Variants in KCNH2 observed in about 807,000 individuals in gnomAD.
The protein encoded by KCNH2 is potassium voltage-gated channel subfamily H member 2.
Under a neutral mutation model 95.9 loss-of-function variants are expected in KCNH2, and 35 were observed. The observed-to-expected ratio is 0.37, with a 90% CI of 0.28 to 0.48. The LOEUF is 0.48. Ranked by LOEUF, KCNH2 falls within the 20% of genes least tolerant of loss-of-function variation. The pLI, the probability that KCNH2 is intolerant of heterozygous loss-of-function variation, is 0.99. For synonymous variants in KCNH2, 786 were observed against 754.7 expected (o/e 1.04, Z -0.68); for missense variants, 1,274 against 1,702.9 (o/e 0.75, Z 4.43).
intron 9 of KCNH2, chr7:150,949,430 T>C: frequency 2.0e-6 from 2 of 993,766 alleles, no homozygotes; most frequent in African/African-American, 1.7e-5. Context: ...TTTTTTTTTT[T>C]TTTACTGAAA....
At position 150,945,498 on chromosome 7, in the gene KCNH2, G is replaced by A. The variant is rs199473032; in HGVS notation, c.3347C>T (p.Ala1116Val). ...GGCCCCCGGGGGCAGCTCCTCACAC[G>A]CCATGAACTGGGAAACCTGCAATAC... is the stretch of plus-strand genomic sequence containing the variant. ...DSLSQVSQFM[A>V]CEELPPGAPE... is the part of the protein sequence containing the mutation. Residue 1116 changes from alanine to valine, a missense_variant, in exon 15 of 15, where the codon GCG becomes GTG. Physicochemically the swap from Ala to Val is moderately conservative, Grantham distance 64. Coordinates refer to ENST00000262186, the MANE Select transcript of KCNH2 (RefSeq NM_000238.4). The surrounding 1 kb of genome is among the most constrained non-coding windows in gnomAD (Gnocchi z 5.6). 1.9e-5 allele frequency: 30 copies of A among 1,558,350 alleles called. No individual in the cohort carries two copies. Among genetic ancestry groups the A allele is most frequent in the African/African-American group, 4.1e-5 (3 of 73,088 alleles).
intron 2 of KCNH2, among the ~76,000 whole-genome samples, chr7:150,965,953 C>G (rs904586725): frequency 3.9e-5 from 6 of 152,246 alleles, no homozygotes; most frequent in Non-Finnish European, 7.3e-5. Context: ...CAGCCCAAGT[C>G]TGGACAGCAG....
intron 5 of KCNH2, chr7:150,955,816 T>A: frequency 8.9e-7 from 1 of 1,121,868 alleles, no homozygotes; most frequent in Non-Finnish European, 1.1e-6. Context: ...GAACCTCAGC[T>A]CCTCCAGCCG....
In KCNH2 at chr7:150,948,451, C is replaced by T. The variant is rs376008424; in HGVS notation, c.2685G>A (p.Thr895=). 4 of 1,601,448 alleles carry T rather than the reference C, an allele frequency of 2.5e-6. No individual in the cohort carries two copies. Among genetic ancestry groups the T allele is most frequent in the Non-Finnish European group, 1.7e-6 (2 of 1,175,798 alleles). Residue 895 remains threonine (T), a synonymous_variant, in exon 11 of 15, where the codon ACG becomes ACA. Coordinates refer to ENST00000262186, the MANE Select transcript of KCNH2 (RefSeq NM_000238.4). ...TCCCCTCCCCCGCCTCACCCTTGTCCGTGCGCCTGCGGAAGGACAACTTGC... is the reference window on the plus strand; with the variant it reads ...TCCCCTCCCCCGCCTCACCCTTGTCTGTGCGCCTGCGGAAGGACAACTTGC... The part of the protein sequence containing the change: ...RKRKLSFRRR[T]DKDTEQPGEV...
In KCNH2 at chr7:150,974,951, C is replaced by T. The variant is rs774772373; in HGVS notation, c.77-10G>A. The stretch of plus-strand genomic sequence containing the variant: ...ATGATGAACTTACGGCCTAGGGGGG[C>T]GGGGAGGAGAGTGCGCGTGAGCGGG... On this transcript the variant is annotated splice_polypyrimidine_tract_variant and intron_variant, in intron 1 of 14. Coordinates refer to ENST00000262186, the MANE Select transcript of KCNH2 (RefSeq NM_000238.4). The T allele has an allele frequency of 6.3e-7, 1 of 1,581,172 alleles. No individual in the cohort carries two copies. The highest frequency in any genetic ancestry group is 8.6e-7 in the Non-Finnish European group (1 of 1,164,692).
Position 150,948,464 on chromosome 7 carries a change from A to C in KCNH2, c.2672T>G (p.Phe891Cys), listed in dbSNP as rs1244787081. 5.8e-6 allele frequency: 8 copies of C among 1,367,974 alleles called. No homozygotes were observed. Among genetic ancestry groups the C allele is most frequent in the Non-Finnish European group, 7.8e-6 (8 of 1,027,326 alleles). The allele number at this position is 1,367,974 out of a possible 1,614,324, so 84.7% of individuals were successfully genotyped here. Reference sequence around the variant, plus strand: ...CTCACCCTTGTCCGTGCGCCTGCGGAAGGACAACTTGCGCTTGCGTTGCCG... The same window carrying C: ...CTCACCCTTGTCCGTGCGCCTGCGGCAGGACAACTTGCGCTTGCGTTGCCG... ...FSRQRKRKLSFRRRTDKDTEQ... is the reference protein window; with the variant it reads ...FSRQRKRKLSCRRRTDKDTEQ... The change falls in exon 11 of 15, where the codon TTC (phenylalanine) becomes TGC (cysteine). Residue 891 changes from phenylalanine (F) to cysteine (C), a missense_variant. Around this residue, in one of 7 missense-constraint regions of KCNH2, gnomAD observed 457 missense variants for 416.1 expected, o/e 1.10. Transcript: ENST00000262186.
At chr7:150,958,563 C>T in intron 3 of KCNH2, 61 bp from the exon 4 acceptor site, 2 of 1,382,108 alleles carry the variant, frequency 1.4e-6, no homozygotes, top group East Asian at 3.1e-5. Context: ...GCGGGCAAGG[C>T]CTGGGAAATG....
chr7:150,949,529 CT>C, intron 9 of KCNH2: 1 of 864,660 alleles, frequency 1.2e-6, no homozygotes, highest in Non-Finnish European at 1.4e-6. Context: ...TGTAGTGAAA[CT>C]TTGATTTTAG....
At chr7:150,959,536 G>T in intron 3 of KCNH2, 36 bp downstream of exon 3, 1 of 1,610,854 alleles carries the variant, frequency 6.2e-7, no homozygotes, top group Non-Finnish European at 8.5e-7. Flanking sequence ...ATGAGACCAC[G>T]AACCCCTGAG....
At chr7:150,957,642 G>A (rs1489883176) in intron 4 of KCNH2, 140 bp from the exon 5 acceptor site, 27 of 717,630 alleles carry the variant, frequency 3.8e-5, no homozygotes, top group Middle Eastern at 3.6e-4. Flanking sequence ...GGAGTCACAA[G>A]AAACAAGAGA....
chr7:150,958,603 G>A lies in KCNH2; in HGVS notation c.473-101C>T, dbSNP rs572212740. The stretch of plus-strand genomic sequence containing the variant: ...CCCAGCCGCTGGGTAAGGGAAGGAG[G>A]GGAACGGGCAACCCCCCATCCCCAC... On this transcript the variant is annotated intron_variant, in intron 3 of 14. Coordinates refer to ENST00000262186, the MANE Select transcript of KCNH2 (RefSeq NM_000238.4). The A allele has an allele frequency of 9.5e-6, 9 of 947,928 alleles. No homozygotes were observed. In the African/African-American group the frequency reaches 1.1e-4, roughly 11 times the overall value. 58.7% of individuals were successfully genotyped at this position (947,928 alleles called of 1,614,324 possible).
At chr7:150,951,363 T>G (rs531426828) in intron 7 of KCNH2, 85 bp downstream of exon 7, 1 of 1,558,654 alleles carries the variant, frequency 6.4e-7, no homozygotes, top group Non-Finnish European at 8.8e-7. Flanking sequence ...GGCCTCACTC[T>G]GGCCCGGCTA....
intron 2 of KCNH2, among the ~76,000 whole-genome samples, chr7:150,971,553 C>T (rs1801840081): frequency 6.6e-6 from 1 of 152,008 alleles, no homozygotes; most frequent in African/African-American, 2.4e-5. Context: ...GTATGAGCAG[C>T]CAGACAGAGC....
At chr7:150,953,702 C>T (rs1801270247) in intron 5 of KCNH2, among the ~76,000 whole-genome samples, 1 of 152,168 alleles carries the variant, frequency 6.6e-6, no homozygotes, top group Non-Finnish European at 1.5e-5. Flanking sequence ...AGAAGAGCTC[C>T]GGCCAGCTTC....
In KCNH2 at chr7:150,974,834, G is replaced by T. The variant is rs1218798860; in HGVS notation, c.184C>A (p.Arg62=). The T allele has an allele frequency of 1.2e-6, 2 of 1,608,384 alleles. No homozygotes were observed. The highest frequency in any genetic ancestry group is 8.5e-7 in the Non-Finnish European group (1 of 1,177,822). ...TGCAGGAAGTCGCAGGTGCAGGGTC[G>T]CTGCATCACCTCGGCCCGCGAGTAG... ...CGYSRAEVMQ[R]PCTCDFLHGP... is the part of the protein sequence containing the mutation. The change falls in exon 2 of 15, where the codon CGA becomes AGA. Residue 62 remains arginine, a synonymous_variant. Transcript: ENST00000262186.
chr7:150,952,619 C>T lies in KCNH2; in HGVS notation c.1363G>A (p.Val455Met). The stretch of plus-strand genomic sequence containing the variant: ...AACATGATGTCCACGATGAGGTCCA[C>T]CACAGCCAGCGGCTGGCAGGCGTAG... ...CGYACQPLAV[V>M]DLIVDIMFIV... Residue 455 changes from valine (V) to methionine (M), a missense_variant, in exon 6 of 15, where the codon GTG becomes ATG. By Grantham distance (21) the Val-to-Met change is conservative. Around this residue, in one of 7 missense-constraint regions of KCNH2, gnomAD observed 147 missense variants for 344.4 expected, o/e 0.43. Coordinates refer to ENST00000262186, the MANE Select transcript of KCNH2 (RefSeq NM_000238.4). This position sits in a 1 kb window ranked among gnomAD's most constrained non-coding sequence, Gnocchi z 7.3. 6.2e-7 allele frequency: 1 copy of T among 1,614,190 alleles called. No homozygotes were observed. The highest frequency in any genetic ancestry group is 8.5e-7 in the Non-Finnish European group (1 of 1,180,036).
chr7:150,947,106 C>T (rs996549480), intron 13 of KCNH2, 52 bp from the exon 14 acceptor site: 2 of 1,425,576 alleles, frequency 1.4e-6, no homozygotes, highest in African/African-American at 2.9e-5. Flanking sequence ...CAGTGACAGC[C>T]TCCACCGGGA....
In KCNH2 at chr7:150,958,221, G is replaced by A. The variant is rs199472874; in HGVS notation, c.754C>T (p.Arg252Trp). Residue 252 changes from arginine to tryptophan, a missense_variant, in exon 4 of 15, where the codon CGG (arginine) becomes TGG (tryptophan). Coordinates refer to ENST00000262186, the MANE Select transcript of KCNH2 (RefSeq NM_000238.4). The stretch of plus-strand genomic sequence containing the variant: ...GCGTCGGGGTTGAGGCTGTGCGCCC[G>A]GGGCGATGGGAGCTGGCCGGGCGCG... ...RSAPGQLPSP[R>W]AHSLNPDASG... 1.1e-5 allele frequency: 15 copies of A among 1,371,584 alleles called. No homozygotes were observed. The highest frequency in any genetic ancestry group is 1.3e-5 in the Non-Finnish European group (14 of 1,065,694). The allele number at this position is 1,371,584 out of a possible 1,614,324, so 85.0% of individuals were successfully genotyped here.
Position 150,952,743 on chromosome 7 carries a change from G to A in KCNH2, c.1239C>T (p.Leu413=), listed in dbSNP as rs754334277. The part of the protein sequence containing the change: ...YSPFKAVWDW[L]ILLLVIYTAV... ...CCGTGTAGATGACCAGCAGCAGGAT[G>A]AGCCAGTCCCACACGGCCTTGAAGG... is the stretch of plus-strand genomic sequence containing the variant. Residue 413 remains leucine, a synonymous_variant, in exon 6 of 15, where the codon CTC becomes CTT. Transcript: ENST00000262186. This position sits in a 1 kb window ranked among gnomAD's most constrained non-coding sequence, Gnocchi z 7.3. 7.4e-6 allele frequency: 12 copies of A among 1,613,982 alleles called. No individual in the cohort carries two copies. The East Asian group carries it at 1.3e-4, about 18-fold the overall frequency.
Sources: allele counts gnomAD v4.1 joint callset (sites outside exome capture counted in the v4.1 genomes callset), GRCh38; gene constraint gnomAD v4.1.1; regional missense constraint gnomAD v4.1.1; non-coding constraint Gnocchi (gnomAD v3.1); transcripts MANE v1.5; gene names NCBI Gene and HGNC (gene_info 2026-07-23, HGNC 2026-07-21).